OLFM1: variants seen among roughly 807,000 people sequenced by gnomAD.
OLFM1 encodes olfactomedin 1.
OLFM1 carries 9 observed loss-of-function variants against 49.7 expected under a neutral mutation model. That is an observed-to-expected ratio of 0.18 (90% confidence interval 0.11 to 0.32). OLFM1 has a LOEUF of 0.32. Among genes scored for constraint, OLFM1 ranks in the 10% least tolerant of loss-of-function variants. The pLI, the probability that OLFM1 is intolerant of heterozygous loss-of-function variation, is 1.00. For missense variants in OLFM1, 369 were observed against 661.8 expected, an observed-to-expected ratio of 0.56 and a Z score of 4.85; for synonymous variants, 240 against 271.8, an observed-to-expected ratio of 0.88 and a Z score of 1.15.
chr9:135,082,294 G>A (rs1360230449), intron 1 of OLFM1, among the ~76,000 whole-genome samples: 2 of 152,138 alleles, frequency 1.3e-5, no homozygotes, highest in South Asian at 2.1e-4. Flanking sequence ...GCTTTGGGCC[G>A]TCCCTAAAGT....
At chr9:135,111,148 T>C (rs4262379) in intron 5 of OLFM1, among the ~76,000 whole-genome samples, 49,555 of 152,186 alleles carry the variant, frequency 0.33, 8,707 homozygotes, top group Middle Eastern at 0.44. Flanking sequence ...GTTTTTCTTA[T>C]ATGGGAAGCT....
chr9:135,081,291 A>G (rs934429380), intron 1 of OLFM1, among the ~76,000 whole-genome samples: 7 of 152,168 alleles, frequency 4.6e-5, no homozygotes, highest in African/African-American at 1.7e-4. Flanking sequence ...AGAAAATGCA[A>G]AGTCGAAAAA....
At position 135,077,958 on chromosome 9, in the gene OLFM1, A is replaced by C. The variant is rs913330318; in HGVS notation, c.96+2156A>C. ...CGAGAGCCTGGCTACCCTAGTCCCC[A>C]CCTGGGTGGGCCCCACTGGGGTTAT... On this transcript the variant is annotated intron_variant, in intron 1 of 5. Transcript: ENST00000252854. Among the ~76,000 whole-genome samples the C allele has an allele frequency of 7.9e-5, 12 of 152,202 alleles. No homozygotes were observed. In the East Asian group the frequency reaches 2.3e-3, roughly 29 times the overall value.
rs760836918 is a variant in OLFM1, at chr9:135,088,170, G to GCTCCTCCTC, written c.150+45_150+53dup. The GCTCCTCCTC allele has an allele frequency of 4.6e-6, 6 of 1,298,386 alleles. No individual in the cohort carries two copies. The East Asian group carries it at 1.6e-4, about 35-fold the overall frequency. The allele number at this position is 1,298,386 out of a possible 1,614,324, so 80.4% of individuals were successfully genotyped here. A position where few individuals can be genotyped will look rare whatever the true frequency, so the allele number is the denominator to read the frequency against. On this transcript the variant is annotated intron_variant, in intron 1 of 5. Coordinates refer to ENST00000371793, the MANE Select transcript of OLFM1 (RefSeq NM_001282611.2). This position sits in a 1 kb window ranked among gnomAD's most constrained non-coding sequence, Gnocchi z 4.8. ...TGCGCCCGCCGGCCGCCTTGGCGCGGCTCCTCCTCCTCCTCCTCCTCCCCC... is the reference window on the plus strand; with the variant it reads ...TGCGCCCGCCGGCCGCCTTGGCGCGGCTCCTCCTCCTCCTCCTCCTCCTCCTCCTCCCCC...
chr9:135,110,857 T>C (rs1157183868), intron 5 of OLFM1, among the ~76,000 whole-genome samples: 1 of 152,214 alleles, frequency 6.6e-6, no homozygotes, highest in African/African-American at 2.4e-5. Context: ...GGACGACATG[T>C]GACAGATGCT....
chr9:135,091,203 C>T (rs930901404), intron 2 of OLFM1, among the ~76,000 whole-genome samples: 3 of 152,226 alleles, frequency 2.0e-5, no homozygotes, highest in Admixed American at 1.3e-4. Flanking sequence ...TGGGCACAGC[C>T]CACCAGCCTT....
chr9:135,077,026 C>T (rs963171180), intron 1 of OLFM1: 15 of 1,549,996 alleles, frequency 9.7e-6, no homozygotes, highest in African/African-American at 8.2e-5. Context: ...GCTGCCCAGA[C>T]GATCAGCCAG....
chr9:135,102,507 G>A lies in OLFM1; in HGVS notation c.676+4002G>A, dbSNP rs138403089. On this transcript the variant is annotated intron_variant, in intron 4 of 5. Coordinates refer to ENST00000371793, the MANE Select transcript of OLFM1 (RefSeq NM_001282611.2). ...GCCCGGGCGGCCAGGGCTTCTCCCAGGAAGTTCTCCAGATGACAGGCGGTG... is the reference window on the plus strand; with the variant it reads ...GCCCGGGCGGCCAGGGCTTCTCCCAAGAAGTTCTCCAGATGACAGGCGGTG... Among the ~76,000 whole-genome samples the A allele has an allele frequency of 1.6e-4, 24 of 152,330 alleles. 1 individual carries two copies. The East Asian group carries it at 4.6e-3, about 29-fold the overall frequency.
At position 135,113,440 on chromosome 9, in the gene OLFM1, A is replaced by T. The variant is rs1489529221; in HGVS notation, c.784-6064A>T. On this transcript the variant is annotated intron_variant, in intron 5 of 5. Transcript: ENST00000371793. The surrounding 1 kb of genome is among the most constrained non-coding windows in gnomAD (Gnocchi z 4.0). Reference sequence around the variant, plus strand: ...GAGTCCCGGGCTAAGGACATAAATGATGATAGCTGGCATTTATTGAACCAC... The same window carrying T: ...GAGTCCCGGGCTAAGGACATAAATGTTGATAGCTGGCATTTATTGAACCAC... Among the ~76,000 whole-genome samples, 1 of 152,098 alleles carries T rather than the reference A, an allele frequency of 6.6e-6. No individual in the cohort carries two copies. Among genetic ancestry groups the T allele is most frequent in the Non-Finnish European group, 1.5e-5 (1 of 68,016 alleles).
rs770455954 is a variant in OLFM1, at chr9:135,119,919, G to A, written c.1199G>A (p.Arg400His). The stretch of plus-strand genomic sequence containing the variant: ...ACCTGGAACACGAGCTACCCCAAGC[G>A]CAGCGCCGGGGAGGCCTTCATCATC... ...LQTWNTSYPK[R>H]SAGEAFIICG... Residue 400 changes from arginine (R) to histidine (H), a missense_variant, in exon 6 of 6, where the codon CGC (arginine) becomes CAC (histidine). By Grantham distance (29) the Arg-to-His change is conservative. Around this residue, in one of 3 missense-constraint regions of OLFM1, gnomAD observed 294 missense variants for 567.5 expected, o/e 0.52. Coordinates refer to ENST00000371793, the MANE Select transcript of OLFM1 (RefSeq NM_001282611.2). 3.1e-6 allele frequency: 5 copies of A among 1,613,382 alleles called. No homozygotes were observed. In the African/African-American group the frequency reaches 4.0e-5, roughly 13 times the overall value.
intron 5 of OLFM1, among the ~76,000 whole-genome samples, chr9:135,114,176 A>ATGCTGGAG (rs56678382): frequency 7.8e-6 from 1 of 128,430 alleles, no homozygotes. Flanking sequence ...TCTGTTGCCC[A>ATGCTGGAG]TGCTGGAGTG....
chr9:135,081,608 G>T (rs1830533562), intron 1 of OLFM1, among the ~76,000 whole-genome samples: 1 of 152,172 alleles, frequency 6.6e-6, no homozygotes, highest in South Asian at 2.1e-4. Context: ...TGGAGTGTAA[G>T]GTTAGGGGTT....
At position 135,088,122 on chromosome 9, in the gene OLFM1, C is replaced by G. The variant is rs1830625585; in HGVS notation, c.133C>G (p.Leu45Val). ...GCTCTCGGCGGCCGGCGGCGGGACG[C>G]TGGACCGCAGCACCGGCGTAAGTGC... is the stretch of plus-strand genomic sequence containing the variant. ...TKLSAAGGGT[L>V]DRSTGVLPTN... Residue 45 changes from leucine to valine, a missense_variant, in exon 1 of 6, where the codon CTG becomes GTG. By Grantham distance (32) the Leu-to-Val change is conservative (BLOSUM62 1). Transcript: ENST00000371793. The surrounding 1 kb of genome is among the most constrained non-coding windows in gnomAD (Gnocchi z 4.8). 1.4e-6 allele frequency: 2 copies of G among 1,398,862 alleles called. No individual in the cohort carries two copies. The highest frequency in any genetic ancestry group is 6.2e-5 in the East Asian group (2 of 32,264). 86.7% of individuals were successfully genotyped at this position (1,398,862 alleles called of 1,614,324 possible).
intron 1 of OLFM1, chr9:135,076,430 C>T (rs1477441209): frequency 2.8e-6 from 4 of 1,453,300 alleles, no homozygotes; most frequent in Admixed American, 2.5e-5. Flanking sequence ...GTGTGGGGAT[C>T]GTGGGCATTT....
At chr9:135,085,999 G>C (rs1295167031), upstream of OLFM1, among the ~76,000 whole-genome samples, 1 of 152,258 alleles carries the variant, frequency 6.6e-6, no homozygotes, top group Admixed American at 6.5e-5. Flanking sequence ...GAGATGGCCT[G>C]ACAGTTTTGT....
At chr9:135,110,789 G>T (rs1763535247) in intron 5 of OLFM1, among the ~76,000 whole-genome samples, 1 of 152,182 alleles carries the variant, frequency 6.6e-6, no homozygotes, top group Non-Finnish European at 1.5e-5. Flanking sequence ...TCAGCTACGG[G>T]CCGCTTTAGA....
chr9:135,121,045 G>T lies in OLFM1; in HGVS notation c.*867G>T. 6.6e-6 allele frequency: 1 copy of T among 152,466 alleles called. No homozygotes were observed. 9.4% of individuals were successfully genotyped at this position (152,466 alleles called of 1,614,324 possible). On this transcript the variant is annotated 3_prime_UTR_variant, in exon 6 of 6. Transcript: ENST00000371793. The stretch of plus-strand genomic sequence containing the variant: ...ACCGCAGATAGGAAGGGCTCGCCTG[G>T]GGAAACTCTGGTTTCCGATGGGACA...
chr9:135,094,082 G>A (rs754955641), intron 2 of OLFM1, among the ~76,000 whole-genome samples: 15 of 152,148 alleles, frequency 9.9e-5, no homozygotes, highest in Non-Finnish European at 1.6e-4. Flanking sequence ...GTGGGCCTTC[G>A]CTCCTGGGGA....
intron 1 of OLFM1, chr9:135,077,370 A>T: frequency 9.3e-7 from 1 of 1,081,064 alleles, no homozygotes; most frequent in Admixed American, 3.4e-5. Context: ...TGCCCAGGCC[A>T]AAAGATGCTT....
Sources: allele counts gnomAD v4.1 joint callset (sites outside exome capture counted in the v4.1 genomes callset), GRCh38; gene constraint gnomAD v4.1.1; regional missense constraint gnomAD v4.1.1; non-coding constraint Gnocchi (gnomAD v3.1); transcripts MANE v1.5; gene names NCBI Gene and HGNC (gene_info 2026-07-23, HGNC 2026-07-21).